Variants in GRHL2 observed in about 807,000 individuals in gnomAD.
GRHL2 encodes grainyhead-like protein 2 homolog.
In GRHL2, 21 loss-of-function variants were observed where a neutral mutation model predicts 83.8. The ratio of observed to expected loss-of-function variants is 0.25; its 90% CI spans 0.18 to 0.36. GRHL2 has a LOEUF of 0.36. Ranked by LOEUF, GRHL2 falls within the 10% of genes least tolerant of loss-of-function variation. The pLI is 1.00. For synonymous variants in GRHL2, 280 were observed against 278.9 expected, an observed-to-expected ratio of 1.00 and a Z score of -0.04; for missense variants, 623 against 781.8, an observed-to-expected ratio of 0.80 and a Z score of 2.42.
chr8:101,644,573 T>C (rs1016712972), intron 13 of GRHL2, among the ~76,000 whole-genome samples: 3 of 152,208 alleles, frequency 2.0e-5, no homozygotes, highest in Admixed American at 6.5e-5. Flanking sequence ...ATTTGATACA[T>C]GCAAACTATT....
At chr8:101,613,559 AT>A (rs1812795185) in intron 8 of GRHL2, among the ~76,000 whole-genome samples, 1 of 151,006 alleles carries the variant, frequency 6.6e-6, no homozygotes, top group East Asian at 1.9e-4. Context: ...GAGATTTCAC[AT>A]TTTAATATTG....
intron 4 of GRHL2, among the ~76,000 whole-genome samples, chr8:101,559,405 C>A (rs956682369): frequency 6.7e-6 from 1 of 148,730 alleles, no homozygotes; most frequent in African/African-American, 2.5e-5. Flanking sequence ...TGGCAGGCAC[C>A]TGTAATTCCA....
intron 1 of GRHL2, among the ~76,000 whole-genome samples, chr8:101,504,844 C>T (rs995813426): frequency 3.3e-5 from 5 of 151,754 alleles, no homozygotes; most frequent in East Asian, 1.9e-4. Context: ...GAAGTGTTGT[C>T]GCCAACGTGA....
chr8:101,677,283 C>T, the GRHL2 span, among the ~76,000 whole-genome samples: 573 of 152,070 alleles, frequency 3.8e-3, 8 homozygotes, highest in East Asian at 0.057. Context: ...GCAGCAAACA[C>T]CCCTCATAGA....
intron 13 of GRHL2, among the ~76,000 whole-genome samples, chr8:101,649,001 G>A (rs1813567877): frequency 6.6e-6 from 1 of 152,186 alleles, no homozygotes; most frequent in African/African-American, 2.4e-5. Flanking sequence ...CAGGGGCTGT[G>A]ATTTAACTAA....
Position 101,632,213 on chromosome 8 carries a change from T to C in GRHL2, c.1346-13T>C. 1 of 1,613,822 alleles carries C rather than the reference T, an allele frequency of 6.2e-7. No homozygotes were observed. Among genetic ancestry groups the C allele is most frequent in the Non-Finnish European group, 8.5e-7 (1 of 1,179,722 alleles). On this transcript the variant is annotated splice_polypyrimidine_tract_variant and intron_variant, in intron 10 of 15. Transcript: ENST00000646743. ...TGACTCTCTCATTTATGAGTTTGTG[T>C]GATCCCATCCAGCCTCTGATGGGAA... is the stretch of plus-strand genomic sequence containing the variant.
intron 1 of GRHL2, among the ~76,000 whole-genome samples, chr8:101,498,204 C>T (rs955541875): frequency 9.2e-5 from 14 of 152,182 alleles, no homozygotes; most frequent in Non-Finnish European, 1.5e-4. Context: ...CTGCAACCTC[C>T]GCCTCCCAAG....
At chr8:101,631,862 G>T in intron 10 of GRHL2, 138 bp downstream of exon 10, 2 of 754,068 alleles carry the variant, frequency 2.7e-6, no homozygotes, top group Non-Finnish European at 4.8e-6. Context: ...TGGCAGTGGA[G>T]ACAGGGTGAT....
At chr8:101,538,659 T>C (rs1213405207) in intron 1 of GRHL2, among the ~76,000 whole-genome samples, 3 of 152,188 alleles carry the variant, frequency 2.0e-5, no homozygotes, top group Non-Finnish European at 1.5e-5. Context: ...AAAAGAGCAA[T>C]GATAAAACAG....
intron 9 of GRHL2, among the ~76,000 whole-genome samples, chr8:101,627,935 C>A (rs1813111931): frequency 6.6e-6 from 1 of 152,104 alleles, no homozygotes; most frequent in Non-Finnish European, 1.5e-5. Flanking sequence ...GAGGAAGCTG[C>A]AGAAGAAAAG....
the GRHL2 span, among the ~76,000 whole-genome samples, chr8:101,680,537 G>A: frequency 8.1e-6 from 1 of 123,006 alleles, no homozygotes; most frequent in Non-Finnish European, 1.7e-5. Context: ...AGTTAACAAG[G>A]ATACCCAGGA....
intron 1 of GRHL2, among the ~76,000 whole-genome samples, chr8:101,519,961 A>T (rs1810650059): frequency 6.6e-6 from 1 of 152,250 alleles, no homozygotes; most frequent in Non-Finnish European, 1.5e-5. Flanking sequence ...TAGTTCCATT[A>T]GAAGCCCATC....
intron 1 of GRHL2, among the ~76,000 whole-genome samples, chr8:101,539,454 C>G (rs1040244937): frequency 3.3e-5 from 5 of 152,168 alleles, no homozygotes; most frequent in Non-Finnish European, 5.9e-5. Flanking sequence ...GTGGCCCCAA[C>G]TAATCAATCG....
At chr8:101,538,532 G>A (rs1292237994) in intron 1 of GRHL2, among the ~76,000 whole-genome samples, 3 of 152,324 alleles carry the variant, frequency 2.0e-5, no homozygotes, top group Non-Finnish European at 2.9e-5. Flanking sequence ...CCTTGGGATC[G>A]AGTTTACAGT....
At chr8:101,531,156 G>A (rs1810917230) in intron 1 of GRHL2, among the ~76,000 whole-genome samples, 1 of 150,838 alleles carries the variant, frequency 6.6e-6, no homozygotes, top group Admixed American at 6.6e-5. Context: ...AGGTTGCAGT[G>A]AGCCATGATT....
chr8:101,535,466 T>C (rs889186082), intron 1 of GRHL2, among the ~76,000 whole-genome samples: 1 of 152,132 alleles, frequency 6.6e-6, no homozygotes, highest in Non-Finnish European at 1.5e-5. Flanking sequence ...GGGCTTTTTA[T>C]TTGATGGAAT....
intron 1 of GRHL2, chr8:101,542,814 G>A (rs1418030171): frequency 4.4e-6 from 2 of 456,726 alleles, no homozygotes; most frequent in Non-Finnish European, 8.8e-6. Flanking sequence ...GAGTAAGATG[G>A]AAAGAGAGCA....
chr8:101,646,792 T>G (rs1379132324), intron 13 of GRHL2, among the ~76,000 whole-genome samples: 2 of 152,196 alleles, frequency 1.3e-5, no homozygotes, highest in African/African-American at 4.8e-5. Flanking sequence ...CTTGCGACTA[T>G]CAGCAGAGTG....
intron 1 of GRHL2, among the ~76,000 whole-genome samples, chr8:101,513,549 C>G (rs1237647276): frequency 2.5e-5 from 3 of 119,300 alleles, no homozygotes; most frequent in African/African-American, 9.6e-5. Flanking sequence ...GGCTGGAGTG[C>G]ATTGGCTCGA....
Sources: allele counts gnomAD v4.1 joint callset (sites outside exome capture counted in the v4.1 genomes callset), GRCh38; gene constraint gnomAD v4.1.1; transcripts MANE v1.5; gene names NCBI Gene and HGNC (gene_info 2026-07-23, HGNC 2026-07-21).